Variants in HSDL2 observed in about 807,000 individuals in gnomAD.
The protein encoded by HSDL2 is hydroxysteroid dehydrogenase-like protein 2.
In HSDL2, 27 loss-of-function variants were observed where a neutral mutation model predicts 46.3. The ratio of observed to expected loss-of-function variants is 0.58; its 90% confidence interval spans 0.43 to 0.80. The LOEUF is 0.80. Among genes scored for constraint, HSDL2 ranks in the 30% least tolerant of loss-of-function variants. The pLI is 0.00. For synonymous variants in HSDL2, 153 were observed against 163.6 expected, an observed-to-expected ratio of 0.94 and a Z score of 0.50; for missense variants, 451 against 502.7, an observed-to-expected ratio of 0.90 and a Z score of 0.98.
chr9:112,403,421 G>A (rs914552169), intron 1 of HSDL2, among the ~76,000 whole-genome samples: 2 of 152,196 alleles, frequency 1.3e-5, no homozygotes, highest in Admixed American at 1.3e-4. Context: ...GTACTTTATT[G>A]CGGAACATTA....
chr9:112,439,300 G>A (rs1392457706), intron 7 of HSDL2, among the ~76,000 whole-genome samples: 1 of 152,152 alleles, frequency 6.6e-6, no homozygotes, highest in Non-Finnish European at 1.5e-5. Context: ...ACCTGGCACA[G>A]TAATGAATTT....
At chr9:112,445,620 G>A (rs1832740736) in intron 8 of HSDL2, among the ~76,000 whole-genome samples, 1 of 152,004 alleles carries the variant, frequency 6.6e-6, no homozygotes, top group South Asian at 2.1e-4. Context: ...CACCGCCCAG[G>A]TTAAAGCAAT....
Position 112,448,679 on chromosome 9 carries a change from G to C in HSDL2, c.866-5334G>C, listed in dbSNP as rs182922186. ...CGATTCTCCTGCCTCAGCCTCCTGA[G>C]TAGCTAGGATTACAGGCTTGCCACC... On this transcript the variant is annotated intron_variant, in intron 8 of 10. Coordinates refer to ENST00000398805, the MANE Select transcript of HSDL2 (RefSeq NM_032303.5). Among the ~76,000 whole-genome samples, 1,164 of 151,760 alleles carry C rather than the reference G, an allele frequency of 7.7e-3. 7 individuals are homozygous for C. Among genetic ancestry groups the C allele is most frequent in the Admixed American group, 0.016 (237 of 15,208 alleles).
rs1319548950 is a variant in HSDL2 at position 112,471,054 on chromosome 9, A to G, written c.*510A>G. 1.3e-5 allele frequency: 2 copies of G among 152,238 alleles called. No individual in the cohort carries two copies. Among genetic ancestry groups the G allele is most frequent in the Non-Finnish European group, 2.9e-5 (2 of 68,038 alleles). 9.4% of individuals were successfully genotyped at this position (152,238 alleles called of 1,614,324 possible). A position where few individuals can be genotyped will look rare whatever the true frequency, so the allele number is the denominator to read the frequency against. ...AATTAGTACTGGCGAGGACTAAATG[A>G]AACAATAATTTTTCATTTTGATAAC... On this transcript the variant is annotated 3_prime_UTR_variant, in exon 11 of 11. Coordinates refer to ENST00000398805, the MANE Select transcript of HSDL2 (RefSeq NM_032303.5).
chr9:112,441,417 T>C (rs1832635506), intron 7 of HSDL2, among the ~76,000 whole-genome samples: 1 of 152,060 alleles, frequency 6.6e-6, no homozygotes, highest in South Asian at 2.1e-4. Context: ...CAGTGTAGGA[T>C]GAGAAGGGCA....
At chr9:112,433,729 C>T (rs1002476816) in intron 6 of HSDL2, 2 of 152,206 alleles carry the variant, frequency 1.3e-5, no homozygotes, top group Non-Finnish European at 2.9e-5. Flanking sequence ...AAAGAAAACA[C>T]TCATCTCCTC....
intron 9 of HSDL2, among the ~76,000 whole-genome samples, chr9:112,457,930 T>C (rs919556109): frequency 3.3e-5 from 5 of 152,050 alleles, no homozygotes; most frequent in African/African-American, 1.2e-4. Context: ...TTGATTTCTC[T>C]CCATTTATTA....
At chr9:112,449,080 GTTTTTT>G (rs59586435) in intron 8 of HSDL2, among the ~76,000 whole-genome samples, 7 of 118,952 alleles carry the variant, frequency 5.9e-5, no homozygotes, top group African/African-American at 2.2e-4. Flanking sequence ...TCTTTCCTCT[GTTTTTT>G]TTTTTTTTTT....
At position 112,471,559 on chromosome 9, in the gene HSDL2, A is replaced by C. The variant is rs1264698468; in HGVS notation, c.*1015A>C. 6.6e-6 allele frequency: 1 copy of C among 152,162 alleles called. No homozygotes were observed. The highest frequency in any genetic ancestry group is 2.4e-5 in the African/African-American group (1 of 41,430). The allele number at this position is 152,162 out of a possible 1,614,324, so 9.4% of individuals were successfully genotyped here. ...CTAATCTCCAGAATAGTGAGAAATA[A>C]ATTTCTGTTGTTAAGCCGTCCACTG... On this transcript the variant is annotated 3_prime_UTR_variant, in exon 11 of 11. Coordinates refer to ENST00000398805, the MANE Select transcript of HSDL2 (RefSeq NM_032303.5).
chr9:112,416,791 A>T, intron 4 of HSDL2, 50 bp from the exon 5 acceptor site: 5 of 892,936 alleles, frequency 5.6e-6, no homozygotes, highest in South Asian at 1.5e-5. Flanking sequence ...AAAAGTGGAG[A>T]AATTGTTAGA....
intron 1 of HSDL2, among the ~76,000 whole-genome samples, chr9:112,402,311 T>A (rs1384813867): frequency 6.6e-6 from 1 of 152,000 alleles, no homozygotes; most frequent in East Asian, 1.9e-4. Context: ...CTTAATGAAA[T>A]GGGGGGAGGC....
At chr9:112,381,229 GC>G (rs1335873767) in intron 1 of HSDL2, among the ~76,000 whole-genome samples, 2 of 151,962 alleles carry the variant, frequency 1.3e-5, no homozygotes, top group Admixed American at 1.3e-4. Flanking sequence ...CTCCCATGTT[GC>G]CCAGACTGGC....
intron 6 of HSDL2, among the ~76,000 whole-genome samples, chr9:112,423,994 G>A (rs1031237758): frequency 8.6e-5 from 13 of 151,556 alleles, no homozygotes; most frequent in African/African-American, 1.7e-4. Context: ...GATTACAAGC[G>A]TGAGCCACCA....
rs534167423 is a variant in HSDL2 at position 112,446,775 on chromosome 9, T to A, written c.865+5005T>A. ...ATGCTCCACTGCAGGACTCCCCTAC[T>A]GTCTGCTTATCTTATTTGGGAGCTA... On this transcript the variant is annotated intron_variant, in intron 8 of 10. Coordinates refer to ENST00000398805, the MANE Select transcript of HSDL2 (RefSeq NM_032303.5). 7.9e-5 allele frequency among the ~76,000 whole-genome samples: 12 copies of A among 152,334 alleles called. No homozygotes were observed. In the South Asian group the frequency reaches 2.5e-3, roughly 32 times the overall value.
At chr9:112,384,083 A>T (rs1831169022) in intron 1 of HSDL2, among the ~76,000 whole-genome samples, 1 of 152,210 alleles carries the variant, frequency 6.6e-6, no homozygotes, top group Non-Finnish European at 1.5e-5. Context: ...ATTATTTTTC[A>T]GAATTTTCCT....
chr9:112,395,605 T>C (rs1197146032), intron 1 of HSDL2, among the ~76,000 whole-genome samples: 1 of 152,222 alleles, frequency 6.6e-6, no homozygotes, highest in Non-Finnish European at 1.5e-5. Flanking sequence ...ATTTTGACAA[T>C]CTGATTTATG....
chr9:112,422,286 G>C (rs550241895), intron 6 of HSDL2, among the ~76,000 whole-genome samples: 1 of 152,224 alleles, frequency 6.6e-6, no homozygotes, highest in African/African-American at 2.4e-5. Context: ...GTACAGCTAA[G>C]AGGACCCAAT....
chr9:112,453,879 C>T, intron 8 of HSDL2, 134 bp from the exon 9 acceptor site: 9 of 661,548 alleles, frequency 1.4e-5, no homozygotes, highest in Admixed American at 3.1e-5. Flanking sequence ...TTTTAGATGC[C>T]ACTTAATGCA....
At chr9:112,400,847 G>A (rs1369980031) in intron 1 of HSDL2, among the ~76,000 whole-genome samples, 1 of 152,156 alleles carries the variant, frequency 6.6e-6, no homozygotes, top group African/African-American at 2.4e-5. Context: ...TCTCCATGTG[G>A]CTGTCTTTAC....
Sources: allele counts gnomAD v4.1 joint callset (sites outside exome capture counted in the v4.1 genomes callset), GRCh38; gene constraint gnomAD v4.1.1; transcripts MANE v1.5; gene names NCBI Gene and HGNC (gene_info 2026-07-23, HGNC 2026-07-21).